The following SVOP variants were observed in gnomAD, a reference collection of about 807,000 sequenced individuals.
SVOP encodes the protein synaptic vesicle 2-related protein.
SVOP carries 17 observed loss-of-function variants against 69.1 expected under a neutral mutation model. That is an observed-to-expected ratio of 0.25 (90% CI 0.17 to 0.37). The LOEUF (loss-of-function observed/expected upper bound fraction) is 0.37, where lower values mean the gene tolerates loss of function less well. Ranked by LOEUF, SVOP falls within the 10% of genes least tolerant of loss-of-function variation. SVOP has a pLI of 1.00. For synonymous variants in SVOP, 238 were observed against 238.6 expected, an observed-to-expected ratio of 1.00 and a Z score of 0.02; for missense variants, 435 against 597.5, an observed-to-expected ratio of 0.73 and a Z score of 2.84.
At chr12:108,960,487 C>T (rs2040012019) in intron 6 of SVOP, among the ~76,000 whole-genome samples, 2 of 152,230 alleles carry the variant, frequency 1.3e-5, no homozygotes, top group Non-Finnish European at 2.9e-5. Context: ...GTAGGAAGAG[C>T]GTGGGAAGCA....
intron 1 of SVOP, 40 bp downstream of exon 1, chr12:109,020,794 G>GA (rs2040393603): frequency 8.2e-6 from 5 of 610,102 alleles, no homozygotes; most frequent in East Asian, 6.5e-5. Flanking sequence ...TTTTTTAAAA[G>GA]AAAGCCTGTC....
chr12:108,939,091 G>A (rs2039873754), intron 8 of SVOP, 136 bp from the exon 9 acceptor site: 1 of 1,232,408 alleles, frequency 8.1e-7, no homozygotes, highest in Non-Finnish European at 1.1e-6. Context: ...TTCAAATCCT[G>A]GCCCCACCAT....
At chr12:108,988,770 CTTT>C (rs758822738) in intron 1 of SVOP, among the ~76,000 whole-genome samples, 50 of 92,148 alleles carry the variant, frequency 5.4e-4, no homozygotes, top group African/African-American at 1.1e-3. Flanking sequence ...TCTTTTCTCT[CTTT>C]TTTTTTTTTT....
At chr12:109,014,018 CTT>C (rs377526459) in intron 1 of SVOP, among the ~76,000 whole-genome samples, 2 of 137,622 alleles carry the variant, frequency 1.5e-5, no homozygotes, top group Non-Finnish European at 1.5e-5. Context: ...AATTTCCTTC[CTT>C]TTTTTTTTTT....
In SVOP at chr12:108,980,619, G is replaced by A. The variant is rs1001795400; in HGVS notation, c.197-1956C>T. Among the ~76,000 whole-genome samples the A allele has an allele frequency of 6.8e-5, 5 of 73,438 alleles. 1 individual carries two copies. The highest frequency in any genetic ancestry group is 3.2e-4 in the Admixed American group (3 of 9,356). The allele number at this position is 73,438 out of a possible 152,430, so 48.2% of individuals were successfully genotyped here. On this transcript the variant is annotated intron_variant, in intron 2 of 15. Coordinates refer to ENST00000610966, the MANE Select transcript of SVOP (RefSeq NM_018711.5). Reference sequence around the variant, plus strand: ...CAAAAAATTAGCTGGGCGCGGTGGCGGGCGCCTGTAGTCCCAGCTACTCAG... The same window carrying A: ...CAAAAAATTAGCTGGGCGCGGTGGCAGGCGCCTGTAGTCCCAGCTACTCAG...
intron 1 of SVOP, among the ~76,000 whole-genome samples, chr12:109,011,969 G>A (rs1384212074): frequency 6.6e-6 from 1 of 152,008 alleles, no homozygotes; most frequent in East Asian, 1.9e-4. Flanking sequence ...GAGGAATTAG[G>A]GAGTTGCTGC....
At chr12:108,984,885 G>A (rs1456753257) in intron 1 of SVOP, among the ~76,000 whole-genome samples, 1 of 152,166 alleles carries the variant, frequency 6.6e-6, no homozygotes, top group Non-Finnish European at 1.5e-5. Flanking sequence ...GATACCGAAT[G>A]TGCAAGTCCT....
At position 108,963,519 on chromosome 12, in the gene SVOP, G is replaced by A. The variant is rs150457999; in HGVS notation, c.454-2472C>T. ...TATTTTTTTTTTGAAATAGAGTCTC[G>A]CTCAGTCACCCAGGCTGGAGTGCAG... On this transcript the variant is annotated intron_variant, in intron 5 of 15. Coordinates refer to ENST00000610966, the MANE Select transcript of SVOP (RefSeq NM_018711.5). 4.4e-3 allele frequency among the ~76,000 whole-genome samples: 668 copies of A among 151,408 alleles called. 5 individuals carry two copies. The highest frequency in any genetic ancestry group is 0.016 in the African/African-American group (648 of 41,174).
Position 108,932,185 on chromosome 12 carries a change from T to G in SVOP, c.1048+2010A>C, listed in dbSNP as rs1235753262. Among the ~76,000 whole-genome samples the G allele has an allele frequency of 4.6e-5, 7 of 152,028 alleles. No individual in the cohort carries two copies. The East Asian group carries it at 1.4e-3, about 30-fold the overall frequency. ...CACACACCACCATGCCCAGCTAATT[T>G]TTTAAATTTTTTGTAGAGACAGGGT... is the stretch of plus-strand genomic sequence containing the variant. On this transcript the variant is annotated intron_variant, in intron 11 of 15. Coordinates refer to ENST00000610966, the MANE Select transcript of SVOP (RefSeq NM_018711.5).
intron 10 of SVOP, 68 bp downstream of exon 10, chr12:108,937,196 T>C: frequency 6.4e-7 from 1 of 1,555,506 alleles, no homozygotes; most frequent in Non-Finnish European, 8.9e-7. Flanking sequence ...TCCATTGCAT[T>C]AAAACAAAAC....
chr12:108,952,336 G>A (rs2039960573), intron 6 of SVOP, among the ~76,000 whole-genome samples: 1 of 141,502 alleles, frequency 7.1e-6, no homozygotes, highest in Non-Finnish European at 1.5e-5. Flanking sequence ...CCAGGTTCAA[G>A]TGATTCTCCT....
intron 1 of SVOP, among the ~76,000 whole-genome samples, chr12:109,008,797 C>A (rs1285628410): frequency 6.6e-6 from 1 of 152,016 alleles, no homozygotes; most frequent in African/African-American, 2.4e-5. Flanking sequence ...AGTCAGGATC[C>A]AAAACCAAAT....
intron 7 of SVOP, among the ~76,000 whole-genome samples, chr12:108,943,032 T>C (rs2039901747): frequency 1.3e-5 from 2 of 152,022 alleles, no homozygotes; most frequent in African/African-American, 4.8e-5. Flanking sequence ...GTGCTGGGAT[T>C]ATAGGTGTGA....
At chr12:108,931,102 A>C (rs2039815068) in intron 11 of SVOP, among the ~76,000 whole-genome samples, 1 of 152,172 alleles carries the variant, frequency 6.6e-6, no homozygotes, top group East Asian at 1.9e-4. Flanking sequence ...CTCAGTCAAT[A>C]CCAAACCCTG....
intron 6 of SVOP, among the ~76,000 whole-genome samples, chr12:108,957,910 A>G (rs1249454936): frequency 6.6e-6 from 1 of 152,242 alleles, no homozygotes; most frequent in African/African-American, 2.4e-5. Context: ...ATTGGCATCC[A>G]TTGCAGCCGT....
intron 9 of SVOP, 103 bp downstream of exon 9, chr12:108,938,724 T>C: frequency 6.4e-7 from 1 of 1,560,966 alleles, no homozygotes; most frequent in Non-Finnish European, 8.7e-7. Flanking sequence ...TGGGTACACA[T>C]ACCCACATGT....
At chr12:108,917,984 C>G in intron 14 of SVOP, 59 bp downstream of exon 14, 1 of 1,376,348 alleles carries the variant, frequency 7.3e-7, no homozygotes. Flanking sequence ...CAGAGCATCC[C>G]CCACAGCCAC....
chr12:108,931,758 C>T (rs370505940), intron 11 of SVOP, among the ~76,000 whole-genome samples: 18 of 151,598 alleles, frequency 1.2e-4, no homozygotes, highest in East Asian at 2.0e-4. Context: ...AACTTGAACC[C>T]GGGAGGTGGA....
chr12:108,964,969 A>G (rs1486122025), intron 5 of SVOP, among the ~76,000 whole-genome samples: 2 of 152,176 alleles, frequency 1.3e-5, no homozygotes, highest in Non-Finnish European at 2.9e-5. Context: ...TTCTTCACCC[A>G]TTCATTCATT....
Sources: gnomAD v4.1 joint callset for allele counts (sites outside exome capture counted in the v4.1 genomes callset) on GRCh38, gnomAD v4.1.1 for gene constraint, MANE v1.5 for transcripts, NCBI Gene and HGNC (gene_info 2026-07-23, HGNC 2026-07-21) for gene names.